Variants in DPP10 observed in about 807,000 individuals in gnomAD.
The protein encoded by DPP10 is inactive dipeptidyl peptidase 10.
A neutral mutation model predicts 120.9 loss-of-function variants in DPP10; 33 were observed. The observed-to-expected ratio is 0.27, with a 90% CI of 0.21 to 0.37. The LOEUF (loss-of-function observed/expected upper bound fraction) is 0.37, where lower values mean the gene tolerates loss of function less well. Among genes scored for constraint, DPP10 ranks in the 10% least tolerant of loss-of-function variants. The pLI is 1.00. For missense variants in DPP10, 816 were observed against 942.8 expected, an observed-to-expected ratio of 0.87 and a Z score of 1.76; for synonymous variants, 337 against 326.1, an observed-to-expected ratio of 1.03 and a Z score of -0.36.
chr2:115,626,539 T>C (rs1366033264), intron 5 of DPP10, among the ~76,000 whole-genome samples: 4 of 152,132 alleles, frequency 2.6e-5, no homozygotes, highest in African/African-American at 4.8e-5. Context: ...AAAAATATCA[T>C]TAGCTCTTGT....
chr2:114,488,939 A>C (rs1350641382), intron 1 of DPP10, among the ~76,000 whole-genome samples: 6 of 152,180 alleles, frequency 3.9e-5, no homozygotes, highest in Non-Finnish European at 8.8e-5. Context: ...ATCATCTAAC[A>C]CTTTAAATCA....
At chr2:115,403,033 C>T (rs1442700460) in intron 3 of DPP10, among the ~76,000 whole-genome samples, 2 of 149,692 alleles carry the variant, frequency 1.3e-5, no homozygotes, top group Admixed American at 6.7e-5. Context: ...TATTAGCAAA[C>T]CCAGTTCAAG....
intron 1 of DPP10, among the ~76,000 whole-genome samples, chr2:115,271,877 TA>T (rs34248955): frequency 1.3e-5 from 2 of 152,154 alleles, no homozygotes; most frequent in Admixed American, 1.3e-4. Flanking sequence ...TGGCACCATC[TA>T]AAAAAATTTT....
chr2:114,476,554 A>C (rs1002353324), intron 1 of DPP10, among the ~76,000 whole-genome samples: 5 of 152,172 alleles, frequency 3.3e-5, no homozygotes, highest in Non-Finnish European at 7.3e-5. Flanking sequence ...AGAAACAATG[A>C]ATTTCATGTC....
At chr2:114,828,858 A>ATTGTC (rs1686800384) in intron 1 of DPP10, 1 of 152,198 alleles carries the variant, frequency 6.6e-6, no homozygotes, top group Admixed American at 6.5e-5. Flanking sequence ...GGTGTATCTG[A>ATTGTC]TTTTCTTTTC....
chr2:114,947,829 G>T (rs941274482), intron 1 of DPP10, among the ~76,000 whole-genome samples: 2 of 151,926 alleles, frequency 1.3e-5, no homozygotes, highest in Non-Finnish European at 1.5e-5. Flanking sequence ...TTGTGACTGT[G>T]AAGCTCTTTT....
At chr2:115,415,029 G>C (rs1299925000) in intron 3 of DPP10, among the ~76,000 whole-genome samples, 1 of 152,152 alleles carries the variant, frequency 6.6e-6, no homozygotes, top group East Asian at 1.9e-4. Flanking sequence ...CATTATCTTA[G>C]ATCTTAGCCT....
At chr2:115,501,577 T>G (rs990120825) in intron 4 of DPP10, among the ~76,000 whole-genome samples, 4 of 152,140 alleles carry the variant, frequency 2.6e-5, no homozygotes, top group African/African-American at 9.6e-5. Flanking sequence ...AAGATTCATA[T>G]GCTCCCTAAG....
At chr2:114,836,773 A>G (rs951188837) in intron 1 of DPP10, among the ~76,000 whole-genome samples, 1 of 152,154 alleles carries the variant, frequency 6.6e-6, no homozygotes, top group African/African-American at 2.4e-5. Flanking sequence ...TTTCATCCCT[A>G]CAGCTCCATA....
chr2:115,058,747 C>CT (rs11482962), intron 1 of DPP10, among the ~76,000 whole-genome samples: 141,125 of 150,964 alleles, frequency 0.93, 66,031 homozygotes, highest in Non-Finnish European at 0.97. Context: ...AGTCAACAAT[C>CT]TTTTTTTTTA....
At position 114,884,965 on chromosome 2, in the gene DPP10, G is replaced by A. The variant is rs567626973; in HGVS notation, c.61-424274G>A. Reference sequence around the variant, plus strand: ...ATAGAAAGGATGAAGTAACAATGTTGACAAGCCTTTGTCAAACCAGAGCTA... The same window carrying A: ...ATAGAAAGGATGAAGTAACAATGTTAACAAGCCTTTGTCAAACCAGAGCTA... On this transcript the variant is annotated intron_variant, in intron 1 of 25. Transcript: ENST00000410059. Among the ~76,000 whole-genome samples, 14 of 152,286 alleles carry A rather than the reference G, an allele frequency of 9.2e-5. No individual in the cohort carries two copies. The South Asian group carries it at 2.9e-3, about 32-fold the overall frequency.
At chr2:115,328,340 A>G (rs2062488204) in intron 2 of DPP10, among the ~76,000 whole-genome samples, 1 of 152,090 alleles carries the variant, frequency 6.6e-6, no homozygotes, top group Admixed American at 6.6e-5. Flanking sequence ...AGGTCTCAGA[A>G]AGAGGTTTGA....
chr2:115,237,645 C>T lies in DPP10; in HGVS notation c.61-71594C>T, dbSNP rs2058070060. On this transcript the variant is annotated intron_variant, in intron 1 of 25. Coordinates refer to ENST00000410059, the MANE Select transcript of DPP10 (RefSeq NM_020868.6). ...TCCAAGTTGTGAATGCAAAGGAAAA[C>T]TTCTTGAAAGAAATTAAAAGTGCTA... 3.9e-5 allele frequency among the ~76,000 whole-genome samples: 6 copies of T among 152,270 alleles called. No individual in the cohort carries two copies. The South Asian group carries it at 1.2e-3, about 32-fold the overall frequency.
intron 2 of DPP10, among the ~76,000 whole-genome samples, chr2:115,335,041 A>C (rs1283040450): frequency 6.6e-6 from 1 of 151,760 alleles, no homozygotes; most frequent in African/African-American, 2.4e-5. Context: ...ATGGCTGGGG[A>C]GGCTTCACAA....
At chr2:114,935,951 T>C (rs1385954329) in intron 1 of DPP10, among the ~76,000 whole-genome samples, 1 of 152,108 alleles carries the variant, frequency 6.6e-6, no homozygotes, top group African/African-American at 2.4e-5. Flanking sequence ...TTTTCTATTT[T>C]TACATCTTTC....
At chr2:114,801,481 G>A (rs1684245735) in intron 1 of DPP10, among the ~76,000 whole-genome samples, 1 of 152,042 alleles carries the variant, frequency 6.6e-6, no homozygotes, top group African/African-American at 2.4e-5. Context: ...TTGGAGTCTG[G>A]CTCTATAAAA....
chr2:115,103,406 C>G (rs1456797021), intron 1 of DPP10, among the ~76,000 whole-genome samples: 1 of 151,968 alleles, frequency 6.6e-6, no homozygotes, highest in African/African-American at 2.4e-5. Flanking sequence ...GCCAGGATGG[C>G]CGCGATCTCC....
intron 11 of DPP10, among the ~76,000 whole-genome samples, chr2:115,761,835 G>A (rs1399124561): frequency 6.6e-6 from 1 of 151,960 alleles, no homozygotes. Context: ...ATATAGGAAA[G>A]CCCCTAATAT....
At chr2:115,354,587 C>A (rs866062151) in intron 3 of DPP10, among the ~76,000 whole-genome samples, 2 of 147,920 alleles carry the variant, frequency 1.4e-5, no homozygotes, top group Non-Finnish European at 3.0e-5. Context: ...TTCTTTATTT[C>A]TTTTTTTTTT....
Sources: allele counts gnomAD v4.1 joint callset (sites outside exome capture counted in the v4.1 genomes callset), GRCh38; gene constraint gnomAD v4.1.1; transcripts MANE v1.5; gene names NCBI Gene and HGNC (gene_info 2026-07-23, HGNC 2026-07-21).